Variants in HIPK3 observed in about 807,000 individuals in gnomAD.
HIPK3 encodes the protein homeodomain-interacting protein kinase 3.
In HIPK3, 47 loss-of-function variants were observed where a neutral mutation model predicts 124.2. That is an observed-to-expected ratio of 0.38 (90% CI 0.30 to 0.48). The LOEUF is 0.48. Among genes scored for constraint, HIPK3 ranks in the 20% least tolerant of loss-of-function variants. HIPK3 has a pLI of 0.98. For synonymous variants in HIPK3, 482 were observed against 515.2 expected (o/e 0.94, Z 0.87); for missense variants, 1,286 against 1,454.3 (o/e 0.88, Z 1.88).
chr11:33,285,177 C>T (rs535841601), intron 1 of HIPK3, among the ~76,000 whole-genome samples: 1 of 152,044 alleles, frequency 6.6e-6, no homozygotes, highest in Non-Finnish European at 1.5e-5. Flanking sequence ...GCTATTTCAG[C>T]CTCAATAAAC....
At chr11:33,261,423 G>A (rs1259790548) in intron 1 of HIPK3, among the ~76,000 whole-genome samples, 1 of 151,836 alleles carries the variant, frequency 6.6e-6, no homozygotes, top group South Asian at 2.1e-4. Flanking sequence ...GTGTCCATGT[G>A]TTCTCATCAT....
intron 2 of HIPK3, among the ~76,000 whole-genome samples, chr11:33,300,159 G>A (rs967098081): frequency 2.4e-4 from 36 of 152,192 alleles, no homozygotes; most frequent in African/African-American, 8.7e-4. Context: ...GGCCAACATG[G>A]CGAAACCCTG....
chr11:33,281,929 C>G (rs960102372), intron 1 of HIPK3, among the ~76,000 whole-genome samples: 1 of 152,112 alleles, frequency 6.6e-6, no homozygotes, highest in East Asian at 1.9e-4. Flanking sequence ...CTTGAGTTGC[C>G]TGCATTTCTA....
At position 33,352,437 on chromosome 11, in the gene HIPK3, T is replaced by G. The variant is rs573169029; in HGVS notation, c.3171+172T>G. Among the ~76,000 whole-genome samples the G allele has an allele frequency of 2.4e-4, 37 of 152,336 alleles. No homozygotes were observed. In the South Asian group the frequency reaches 4.1e-3, roughly 17 times the overall value. ...TTAATAATAGGATAATTAAGCAAATTATCCATAGAACTTGTAGCCTTTTTC... is the reference window on the plus strand; with the variant it reads ...TTAATAATAGGATAATTAAGCAAATGATCCATAGAACTTGTAGCCTTTTTC... On this transcript the variant is annotated intron_variant, in intron 16 of 16. Coordinates refer to ENST00000303296, the MANE Select transcript of HIPK3 (RefSeq NM_005734.5).
At chr11:33,285,045 TA>T (rs558622600) in intron 1 of HIPK3, among the ~76,000 whole-genome samples, 67 of 152,326 alleles carry the variant, frequency 4.4e-4, no homozygotes, top group African/African-American at 1.3e-3. Context: ...AATAAGGTCA[TA>T]GGGGAGAATA....
At chr11:33,303,273 A>G (rs1185750854) in intron 2 of HIPK3, among the ~76,000 whole-genome samples, 2 of 152,158 alleles carry the variant, frequency 1.3e-5, no homozygotes, top group Admixed American at 6.5e-5. Context: ...TACAATGTAA[A>G]TACTTTGTAA....
chr11:33,349,453 G>C (rs538843108), intron 14 of HIPK3, among the ~76,000 whole-genome samples, 166 bp downstream of exon 14: 2 of 152,154 alleles, frequency 1.3e-5, no homozygotes, highest in South Asian at 4.1e-4. Context: ...TTGTTTGTTT[G>C]TTTGTTTGTT....
intron 2 of HIPK3, among the ~76,000 whole-genome samples, chr11:33,299,926 G>T (rs536174617): frequency 1.3e-5 from 2 of 151,522 alleles, no homozygotes; most frequent in African/African-American, 4.9e-5. Flanking sequence ...GGATGCTGAG[G>T]TGGGAGGATT....
intron 1 of HIPK3, among the ~76,000 whole-genome samples, chr11:33,261,536 G>T (rs1850827759): frequency 6.6e-6 from 1 of 152,068 alleles, no homozygotes; most frequent in Non-Finnish European, 1.5e-5. Context: ...TCCTGCAAAG[G>T]ACATGACATC....
intron 7 of HIPK3, 22 bp from the exon 8 acceptor site, chr11:33,341,541 T>C (rs1590187751): frequency 6.3e-7 from 1 of 1,599,350 alleles, no homozygotes; most frequent in South Asian, 1.1e-5. Flanking sequence ...GACTGCTCTA[T>C]ATAATGTGCT....
At chr11:33,288,662 C>G (rs1250276762) in intron 2 of HIPK3, among the ~76,000 whole-genome samples, 1 of 152,094 alleles carries the variant, frequency 6.6e-6, no homozygotes, top group Non-Finnish European at 1.5e-5. Flanking sequence ...GCCTGAAGTG[C>G]AATAGATAGT....
In HIPK3 at chr11:33,353,589, C is replaced by T. The variant is rs927266714; in HGVS notation, c.*21C>T. Reference sequence around the variant, plus strand: ...TGTGAAAAACAGTATATTGGGGAAGCTCAATGATACAAACATTTGATTAAA... The same window carrying T: ...TGTGAAAAACAGTATATTGGGGAAGTTCAATGATACAAACATTTGATTAAA... On this transcript the variant is annotated 3_prime_UTR_variant, in exon 17 of 17. Transcript: ENST00000303296. 7.3e-7 allele frequency: 1 copy of T among 1,367,344 alleles called. No homozygotes were observed. The highest frequency in any genetic ancestry group is 1.0e-6 in the Non-Finnish European group (1 of 958,674). The allele number at this position is 1,367,344 out of a possible 1,614,324, so 84.7% of individuals were successfully genotyped here.
intron 14 of HIPK3, among the ~76,000 whole-genome samples, chr11:33,350,732 G>A (rs979476925): frequency 6.6e-6 from 1 of 151,892 alleles, no homozygotes; most frequent in African/African-American, 2.4e-5. Flanking sequence ...TTATTTTAGT[G>A]GCAACAAACA....
intron 1 of HIPK3, among the ~76,000 whole-genome samples, chr11:33,266,895 A>T (rs912084119): frequency 6.6e-6 from 1 of 152,172 alleles, no homozygotes; most frequent in Non-Finnish European, 1.5e-5. Flanking sequence ...GTTAATTTAA[A>T]TAAAAGAAGG....
At chr11:33,280,007 C>T (rs988658214) in intron 1 of HIPK3, among the ~76,000 whole-genome samples, 2 of 152,080 alleles carry the variant, frequency 1.3e-5, no homozygotes, top group African/African-American at 4.8e-5. Context: ...TTTCAACATA[C>T]AAATTCTGGG....
At chr11:33,261,194 T>C (rs2133859978) in intron 1 of HIPK3, among the ~76,000 whole-genome samples, 1 of 147,466 alleles carries the variant, frequency 6.8e-6, no homozygotes, top group South Asian at 2.1e-4. Context: ...ATATTATATA[T>C]AAATATATAT....
intron 1 of HIPK3, among the ~76,000 whole-genome samples, chr11:33,282,605 C>T (rs1191980011): frequency 6.6e-6 from 1 of 151,976 alleles, no homozygotes; most frequent in Non-Finnish European, 1.5e-5. Flanking sequence ...ATTACTTGAA[C>T]TTGGAAGGTG....
intron 8 of HIPK3, among the ~76,000 whole-genome samples, chr11:33,343,247 TTG>T (rs3884092): frequency 0.091 from 12,861 of 141,334 alleles, 588 homozygotes; most frequent in Middle Eastern, 0.13. Context: ...TTATTTGATT[TTG>T]TGTGTGTGTG....
At chr11:33,322,687 A>G (rs1470167557) in intron 2 of HIPK3, among the ~76,000 whole-genome samples, 1 of 152,114 alleles carries the variant, frequency 6.6e-6, no homozygotes, top group Non-Finnish European at 1.5e-5. Context: ...TTAGCCTGGC[A>G]TGGTGGCACA....
Sources: allele counts gnomAD v4.1 joint callset (sites outside exome capture counted in the v4.1 genomes callset), GRCh38; gene constraint gnomAD v4.1.1; transcripts MANE v1.5; gene names NCBI Gene and HGNC (gene_info 2026-07-23, HGNC 2026-07-21).